GPATCH11: variants seen among roughly 807,000 people sequenced by gnomAD.
GPATCH11 encodes G-patch domain containing 11, also known as G patch domain-containing protein 11.
Under a neutral mutation model 44.8 loss-of-function variants are expected in GPATCH11, and 32 were observed. The observed-to-expected ratio is 0.71, with a 90% CI of 0.54 to 0.96. The LOEUF (loss-of-function observed/expected upper bound fraction) is 0.96. GPATCH11 is among the 40% of genes least tolerant of loss of function. The probability of loss-of-function intolerance (pLI) is 0.00; values close to 1 mark genes in which losing one functional copy is unlikely to be tolerated. For missense variants in GPATCH11, 324 were observed against 303.1 expected, an observed-to-expected ratio of 1.07 and a Z score of -0.51; for synonymous variants, 84 against 94.4, an observed-to-expected ratio of 0.89 and a Z score of 0.64.
Position 37,098,560 on chromosome 2 carries a change from G to A in GPATCH11, c.*2297G>A, listed in dbSNP as rs1673711969. The A allele has an allele frequency of 6.6e-6, 1 of 152,042 alleles. No homozygotes were observed. The highest frequency in any genetic ancestry group is 6.6e-5 in the Admixed American group (1 of 15,254). 9.4% of individuals were successfully genotyped at this position (152,042 alleles called of 1,614,324 possible). On this transcript the variant is annotated 3_prime_UTR_variant, in exon 9 of 9. Coordinates refer to ENST00000674370, the MANE Select transcript of GPATCH11 (RefSeq NM_174931.4). ...CTTCCCTTTCTCCTGTTACTATGAG[G>A]ACAACCCACACCTGCTCAGTGGCCT...
At chr2:37,088,499 G>T (rs1673154249) in intron 2 of GPATCH11, 59 bp downstream of exon 2, 2 of 838,898 alleles carry the variant, frequency 2.4e-6, no homozygotes, top group South Asian at 1.7e-5. Flanking sequence ...ATTAAGAAAT[G>T]ACATTGATTT....
chr2:37,096,140 G>A, intron 8 of GPATCH11, 68 bp from the exon 9 acceptor site: 1 of 949,358 alleles, frequency 1.1e-6, no homozygotes, highest in African/African-American at 1.7e-5. Context: ...TGCATGTTAT[G>A]TTGAAATAAT....
rs1407223135 is a variant in GPATCH11, at chr2:37,096,620, G to T, written c.*357G>T. The T allele has an allele frequency of 9.5e-6, 2 of 209,762 alleles. No homozygotes were observed. Among genetic ancestry groups the T allele is most frequent in the African/African-American group, 4.7e-5 (2 of 42,110 alleles). The allele number at this position is 209,762 out of a possible 1,614,324, so 13.0% of individuals were successfully genotyped here. A position where few individuals can be genotyped will look rare whatever the true frequency, so the allele number is the denominator to read the frequency against. On this transcript the variant is annotated 3_prime_UTR_variant, in exon 9 of 9. Coordinates refer to ENST00000674370, the MANE Select transcript of GPATCH11 (RefSeq NM_174931.4). The stretch of plus-strand genomic sequence containing the variant: ...AGAGAAAAATATCCACTTTATCAGT[G>T]AATAAACTGATACAGAGAAGAAGGT...
At chr2:37,090,011 T>C in intron 3 of GPATCH11, 145 bp downstream of exon 3, 1 of 655,636 alleles carries the variant, frequency 1.5e-6, no homozygotes, top group East Asian at 2.7e-5. Context: ...TAACAAGCCT[T>C]ATGGAGAGCT....
At chr2:37,089,449 C>T (rs1673200960) in intron 2 of GPATCH11, among the ~76,000 whole-genome samples, 191 bp from the exon 3 acceptor site, 1 of 152,018 alleles carries the variant, frequency 6.6e-6, no homozygotes, top group African/African-American at 2.4e-5. Flanking sequence ...CGCCTGTAAT[C>T]TCAGTTACTC....
chr2:37,090,683 G>A lies in GPATCH11; in HGVS notation c.289G>A (p.Gly97Ser), dbSNP rs780879728. The change falls in exon 4 of 9, where the codon GGT (glycine) becomes AGT (serine). Residue 97 changes from glycine (G) to serine (S), a missense_variant and splice_region_variant. Coordinates refer to ENST00000674370, the MANE Select transcript of GPATCH11 (RefSeq NM_174931.4). ...AGTTTGTATTCATTCTCTTTAAGGGGGTGGTATTGTTGAACCAATTCCTCT... is the reference window on the plus strand; with the variant it reads ...AGTTTGTATTCATTCTCTTTAAGGGAGTGGTATTGTTGAACCAATTCCTCT... ...KSGQALGKSG[G>S]GIVEPIPLNI... is the part of the protein sequence containing the mutation. The A allele has an allele frequency of 6.8e-7, 1 of 1,470,722 alleles. No homozygotes were observed. The highest frequency in any genetic ancestry group is 2.1e-5 in the Admixed American group (1 of 48,638). The allele number at this position is 1,470,722 out of a possible 1,614,324, so 91.1% of individuals were successfully genotyped here.
At chr2:37,089,338 G>A (rs577904182) in intron 2 of GPATCH11, among the ~76,000 whole-genome samples, 3 of 152,220 alleles carry the variant, frequency 2.0e-5, no homozygotes, top group South Asian at 2.1e-4. Context: ...AGGCTGAGGC[G>A]GGCAGATCAC....
Position 37,096,997 on chromosome 2 carries a change from T to C in GPATCH11, c.*734T>C, listed in dbSNP as rs1673620891. 2 of 152,218 alleles carry C rather than the reference T, an allele frequency of 1.3e-5. No individual in the cohort carries two copies. Among genetic ancestry groups the C allele is most frequent in the Admixed American group, 1.3e-4 (2 of 15,266 alleles). 9.4% of individuals were successfully genotyped at this position (152,218 alleles called of 1,614,324 possible). A position where few individuals can be genotyped will look rare whatever the true frequency, so the allele number is the denominator to read the frequency against. ...GTCAGAGGCAATGTTCGACCAGTAC[T>C]ACTAAATTCTAATCCATTTAACTGT... is the stretch of plus-strand genomic sequence containing the variant. On this transcript the variant is annotated 3_prime_UTR_variant, in exon 9 of 9. Coordinates refer to ENST00000674370, the MANE Select transcript of GPATCH11 (RefSeq NM_174931.4).
Position 37,092,533 on chromosome 2 carries a change from A to G in GPATCH11, c.540+278A>G, listed in dbSNP as rs181576679. On this transcript the variant is annotated intron_variant, in intron 6 of 8. Coordinates refer to ENST00000674370, the MANE Select transcript of GPATCH11 (RefSeq NM_174931.4). ...TAAGAACTCCAAGCCCGGTTTATCTACTCATTAAAGCTTTCATGTAATGTG... is the reference window on the plus strand; with the variant it reads ...TAAGAACTCCAAGCCCGGTTTATCTGCTCATTAAAGCTTTCATGTAATGTG... Among the ~76,000 whole-genome samples the G allele has an allele frequency of 7.4e-4, 109 of 147,322 alleles. 4 individuals carry two copies. In the East Asian group the frequency reaches 0.015, roughly 21 times the overall value.
chr2:37,097,190 A>T lies in GPATCH11; in HGVS notation c.*927A>T, dbSNP rs1673631150. ...CCCTTGATAGCATTCCCAGCAAGTG[A>T]TAGTTCAACCTTTGCTTTTATTCTT... On this transcript the variant is annotated 3_prime_UTR_variant, in exon 9 of 9. Coordinates refer to ENST00000674370, the MANE Select transcript of GPATCH11 (RefSeq NM_174931.4). 1 of 152,204 alleles carries T rather than the reference A, an allele frequency of 6.6e-6. No individual in the cohort carries two copies. Among genetic ancestry groups the T allele is most frequent in the Non-Finnish European group, 1.5e-5 (1 of 68,040 alleles). 9.4% of individuals were successfully genotyped at this position (152,204 alleles called of 1,614,324 possible).
intron 1 of GPATCH11, among the ~76,000 whole-genome samples, chr2:37,087,292 G>T (rs1455899177): frequency 1.3e-5 from 2 of 152,206 alleles, no homozygotes; most frequent in African/African-American, 4.8e-5. Context: ...AGGGCAGAGG[G>T]TTGGATTCCC....
chr2:37,096,120 G>T, intron 8 of GPATCH11, 88 bp from the exon 9 acceptor site: 1 of 803,050 alleles, frequency 1.2e-6, no homozygotes, highest in Non-Finnish European at 2.0e-6. Flanking sequence ...GAAAACATCA[G>T]ATCAAAAAAT....
intron 6 of GPATCH11, among the ~76,000 whole-genome samples, chr2:37,093,697 A>G (rs1673437881): frequency 6.6e-6 from 1 of 152,066 alleles, no homozygotes; most frequent in Non-Finnish European, 1.5e-5. Context: ...TCACTCTGTC[A>G]CCAGGCTAGA....
chr2:37,090,772 A>T (rs1474055529), intron 4 of GPATCH11, 50 bp downstream of exon 4: 3 of 882,996 alleles, frequency 3.4e-6, no homozygotes, highest in Middle Eastern at 2.6e-4. Context: ...ACTTACGCTT[A>T]GGTCTACCAC....
At chr2:37,085,480 G>T (rs959341514) in intron 1 of GPATCH11, among the ~76,000 whole-genome samples, 2 of 152,176 alleles carry the variant, frequency 1.3e-5, no homozygotes, top group Non-Finnish European at 2.9e-5. Context: ...TACCATAAAT[G>T]CTGTATATAA....
intron 1 of GPATCH11, among the ~76,000 whole-genome samples, chr2:37,084,887 A>G (rs1285726691): frequency 6.6e-6 from 1 of 152,176 alleles, no homozygotes; most frequent in East Asian, 1.9e-4. Flanking sequence ...CTACTCCTAC[A>G]GTCTTCCCAC....
Position 37,084,543 on chromosome 2 carries a change from T to A in GPATCH11, c.-41T>A, listed in dbSNP as rs531946654. 2.1e-5 allele frequency: 26 copies of A among 1,231,908 alleles called. No homozygotes were observed. The South Asian group carries it at 9.5e-4, about 45-fold the overall frequency. The allele number at this position is 1,231,908 out of a possible 1,614,324, so 76.3% of individuals were successfully genotyped here. A position where few individuals can be genotyped will look rare whatever the true frequency, so the allele number is the denominator to read the frequency against. ...ATGCGCAGCGCGCGCTCTACGGCGCTGAACCGGGGCGAGCAGAGAGCTGTC... is the reference window on the plus strand; with the variant it reads ...ATGCGCAGCGCGCGCTCTACGGCGCAGAACCGGGGCGAGCAGAGAGCTGTC... On this transcript the variant is annotated 5_prime_UTR_variant, in exon 1 of 9. Transcript: ENST00000674370.
intron 8 of GPATCH11, among the ~76,000 whole-genome samples, 188 bp from the exon 9 acceptor site, chr2:37,096,020 T>A (rs547681202): frequency 6.6e-6 from 1 of 152,354 alleles, no homozygotes; most frequent in East Asian, 1.9e-4. Context: ...AAGCTACCTT[T>A]GCTAACTTGT....
chr2:37,091,803 T>C (rs1283451917), intron 4 of GPATCH11, 113 bp from the exon 5 acceptor site: 1 of 912,880 alleles, frequency 1.1e-6, no homozygotes, highest in African/African-American at 1.7e-5. Context: ...CTCAAATGAT[T>C]TGTGAGTGAT....
Sources: gnomAD v4.1 joint callset for allele counts (sites outside exome capture counted in the v4.1 genomes callset) on GRCh38, gnomAD v4.1.1 for gene constraint, MANE v1.5 for transcripts, NCBI Gene and HGNC (gene_info 2026-07-23, HGNC 2026-07-21) for gene names.